TMPRSS7: variants seen among roughly 807,000 people sequenced by gnomAD.
TMPRSS7 encodes transmembrane protease serine 7.
TMPRSS7 carries 81 observed loss-of-function variants against 95.6 expected under a neutral mutation model. The observed-to-expected ratio is 0.85, with a 90% confidence interval of 0.71 to 1.02. TMPRSS7 has a LOEUF of 1.02. Among genes scored for constraint, TMPRSS7 ranks in the 50% least tolerant of loss-of-function variants. TMPRSS7 has a pLI of 0.00. For synonymous variants in TMPRSS7, 364 were observed against 337.8 expected, an observed-to-expected ratio of 1.08 and a Z score of -0.85; for missense variants, 945 against 955.2, an observed-to-expected ratio of 0.99 and a Z score of 0.14.
intron 16 of TMPRSS7, among the ~76,000 whole-genome samples, chr3:112,077,538 A>G (rs1393544719): frequency 1.3e-5 from 2 of 152,216 alleles, no homozygotes; most frequent in Non-Finnish European, 2.9e-5. Context: ...ATGTCAACTC[A>G]TAGGCAACAG....
intron 9 of TMPRSS7, among the ~76,000 whole-genome samples, chr3:112,054,262 T>A (rs1215167956): frequency 6.6e-6 from 1 of 152,164 alleles, no homozygotes; most frequent in Non-Finnish European, 1.5e-5. Context: ...TATTTAAATA[T>A]TACAGGTCCA....
chr3:112,068,527 A>G (rs1445572096), intron 13 of TMPRSS7, among the ~76,000 whole-genome samples: 3 of 152,140 alleles, frequency 2.0e-5, no homozygotes, highest in Non-Finnish European at 4.4e-5. Flanking sequence ...TTCTCCTTGA[A>G]GAAGTCCTTC....
At chr3:112,051,353 C>T (rs762645510) in intron 9 of TMPRSS7, among the ~76,000 whole-genome samples, 1 of 152,054 alleles carries the variant, frequency 6.6e-6, no homozygotes, top group Non-Finnish European at 1.5e-5. Context: ...AGAGGATGTG[C>T]ATAGATTACA....
chr3:112,045,690 G>A, intron 4 of TMPRSS7, 60 bp from the exon 5 acceptor site: 1 of 1,452,288 alleles, frequency 6.9e-7, no homozygotes, highest in Non-Finnish European at 9.2e-7. Context: ...CCATCATCTG[G>A]GTATTTCTTC....
intron 1 of TMPRSS7, among the ~76,000 whole-genome samples, chr3:112,036,395 C>T (rs768981238): frequency 3.9e-5 from 6 of 152,054 alleles, no homozygotes; most frequent in East Asian, 1.9e-4. Flanking sequence ...ATGGTGAAAC[C>T]GCATCTCTAC....
chr3:112,044,838 C>T (rs1442141840), intron 4 of TMPRSS7, among the ~76,000 whole-genome samples: 1 of 151,568 alleles, frequency 6.6e-6, no homozygotes, highest in Non-Finnish European at 1.5e-5. Flanking sequence ...TGGAGTATAG[C>T]AACTTGATTA....
At chr3:112,070,684 G>A (rs1047104282) in intron 13 of TMPRSS7, among the ~76,000 whole-genome samples, 2 of 152,130 alleles carry the variant, frequency 1.3e-5, no homozygotes, top group African/African-American at 4.8e-5. Flanking sequence ...TTGCTTGGTA[G>A]ATCTTCCTCC....
intron 11 of TMPRSS7, among the ~76,000 whole-genome samples, chr3:112,062,812 CT>C (rs750469684): frequency 6.6e-6 from 1 of 152,108 alleles, no homozygotes; most frequent in Non-Finnish European, 1.5e-5. Context: ...TTCCCCCATT[CT>C]TTTGCAAAAG....
chr3:112,078,396 A>C lies in TMPRSS7; in HGVS notation c.2225-346A>C, dbSNP rs1430813055. 2.0e-5 allele frequency among the ~76,000 whole-genome samples: 3 copies of C among 152,184 alleles called. No individual in the cohort carries two copies. In the East Asian group the frequency reaches 5.8e-4, roughly 29 times the overall value. ...ATCAGTTATGCTGCTCCATTTAAAG[A>C]GCTCTCTTGAATAGTAGATATTAGT... On this transcript the variant is annotated intron_variant, in intron 16 of 17. Coordinates refer to ENST00000452346, the Ensembl canonical transcript of TMPRSS7.
intron 1 of TMPRSS7, among the ~76,000 whole-genome samples, chr3:112,036,205 A>C (rs1002206155): frequency 1.2e-4 from 19 of 152,212 alleles, no homozygotes; most frequent in African/African-American, 4.6e-4. Flanking sequence ...TCAATCCTGC[A>C]TCAGCCCAGA....
rs555620846 is a variant in TMPRSS7 at position 112,049,088 on chromosome 3, G to A, written c.960-756G>A. Among the ~76,000 whole-genome samples the A allele has an allele frequency of 3.9e-5, 6 of 152,298 alleles. No individual in the cohort carries two copies. In the South Asian group the frequency reaches 8.3e-4, roughly 21 times the overall value. On this transcript the variant is annotated intron_variant, in intron 7 of 17. Transcript: ENST00000452346. Reference sequence around the variant, plus strand: ...GCCACGTCTCAGGTGGAAAGAGAAAGCACCCTGGATTGGCTGGGGGTCAAG... The same window carrying A: ...GCCACGTCTCAGGTGGAAAGAGAAAACACCCTGGATTGGCTGGGGGTCAAG...
At position 112,066,511 on chromosome 3, in the gene TMPRSS7, G is replaced by C. The variant is rs765395924; in HGVS notation, c.1666+9G>C. 2.5e-6 allele frequency: 4 copies of C among 1,611,204 alleles called. No homozygotes were observed. Among genetic ancestry groups the C allele is most frequent in the Non-Finnish European group, 3.4e-6 (4 of 1,177,794 alleles). Reference sequence around the variant, plus strand: ...GCAAAACTGCACTCAAAGTGAGGGAGAGTCCTCTGTGCCCTGCTGTTCCTC... The same window carrying C: ...GCAAAACTGCACTCAAAGTGAGGGACAGTCCTCTGTGCCCTGCTGTTCCTC... On this transcript the variant is annotated intron_variant, in intron 13 of 17. Coordinates refer to ENST00000452346, the Ensembl canonical transcript of TMPRSS7.
At chr3:112,052,663 C>A (rs1448725725) in intron 9 of TMPRSS7, among the ~76,000 whole-genome samples, 1 of 152,038 alleles carries the variant, frequency 6.6e-6, no homozygotes, top group East Asian at 1.9e-4. Flanking sequence ...GGAAAGGAAA[C>A]AAATCTCCAT....
rs1051422513 is a variant in TMPRSS7 at position 112,072,502 on chromosome 3, A to G, written c.1667-1794A>G. ...CCAGGAGAAGCACTGCTCTCTTTAG[A>G]GCTGTCAGAGTGGAACGTTTAAGTC... On this transcript the variant is annotated intron_variant, in intron 13 of 17. Coordinates refer to ENST00000452346, the Ensembl canonical transcript of TMPRSS7. Among the ~76,000 whole-genome samples the G allele has an allele frequency of 2.6e-5, 4 of 152,202 alleles. No homozygotes were observed. The East Asian group carries it at 7.7e-4, about 29-fold the overall frequency.
At chr3:112,068,823 C>T (rs1404685862) in intron 13 of TMPRSS7, among the ~76,000 whole-genome samples, 1 of 152,116 alleles carries the variant, frequency 6.6e-6, no homozygotes, top group Admixed American at 6.5e-5. Flanking sequence ...CTTCTTTCTT[C>T]TGCCTGATTG....
At chr3:112,052,236 A>G (rs1004309748) in intron 9 of TMPRSS7, among the ~76,000 whole-genome samples, 5 of 152,170 alleles carry the variant, frequency 3.3e-5, no homozygotes, top group Non-Finnish European at 7.3e-5. Flanking sequence ...AGTCTTGCTG[A>G]CAAGGGGACA....
intron 9 of TMPRSS7, among the ~76,000 whole-genome samples, chr3:112,054,729 C>CTTTTGTTTT (rs2073409469): frequency 2.0e-5 from 1 of 49,010 alleles, no homozygotes; most frequent in Non-Finnish European, 3.5e-5. Context: ...TCTCAGTTTG[C>CTTTTGTTTT]TTTTTTTTTT....
chr3:112,038,384 T>C, intron 2 of TMPRSS7, 63 bp downstream of exon 2: 1 of 659,502 alleles, frequency 1.5e-6, no homozygotes, highest in African/African-American at 1.8e-5. Context: ...GCATTAGCAA[T>C]GCAGCCCTAA....
At chr3:112,063,878 G>T (rs1021625091) in intron 12 of TMPRSS7, among the ~76,000 whole-genome samples, 11 of 152,160 alleles carry the variant, frequency 7.2e-5, no homozygotes, top group African/African-American at 2.7e-4. Flanking sequence ...GTCCACCTGA[G>T]CTTGGTTCTT....
Sources: allele counts gnomAD v4.1 joint callset (sites outside exome capture counted in the v4.1 genomes callset), GRCh38; gene constraint gnomAD v4.1.1; transcripts MANE v1.5; gene names NCBI Gene and HGNC (gene_info 2026-07-23, HGNC 2026-07-21).